The following CRB1 variants were observed in gnomAD, a reference collection of about 807,000 sequenced individuals.
CRB1 encodes crumbs cell polarity complex component 1.
Under a neutral mutation model 120.0 loss-of-function variants are expected in CRB1, and 83 were observed. That is an observed-to-expected ratio of 0.69 (90% confidence interval 0.58 to 0.83). The LOEUF is 0.83. CRB1 is among the 40% of genes least tolerant of loss of function. The pLI is 0.00. For missense variants in CRB1, 1,699 were observed against 1,687.6 expected, an observed-to-expected ratio of 1.01 and a Z score of -0.12; for synonymous variants, 625 against 612.5, an observed-to-expected ratio of 1.02 and a Z score of -0.30.
At chr1:197,434,604 T>C in intron 8 of CRB1, 102 bp from the exon 9 acceptor site, 2 of 1,038,220 alleles carry the variant, frequency 1.9e-6, no homozygotes, top group Non-Finnish European at 2.9e-6. Flanking sequence ...AAATAGTCAA[T>C]ATGCAATGTT....
chr1:197,314,726 G>T (rs1327389674), intron 1 of CRB1, among the ~76,000 whole-genome samples: 1 of 151,936 alleles, frequency 6.6e-6, no homozygotes, highest in African/African-American at 2.4e-5. Context: ...GTATAATGTG[G>T]TCTCTACTCC....
intron 8 of CRB1, among the ~76,000 whole-genome samples, chr1:197,432,908 A>G (rs1664941968): frequency 6.6e-6 from 1 of 152,114 alleles, no homozygotes; most frequent in Non-Finnish European, 1.5e-5. Context: ...CAGCAAGTAT[A>G]AAAGGCCTGC....
intron 11 of CRB1, among the ~76,000 whole-genome samples, chr1:197,450,820 C>T (rs572863049): frequency 3.8e-5 from 5 of 133,242 alleles, no homozygotes; most frequent in Non-Finnish European, 6.3e-5. Flanking sequence ...ATTAGCTGGG[C>T]GTGGTGGCCA....
intron 5 of CRB1, among the ~76,000 whole-genome samples, chr1:197,387,164 G>A (rs1168389701): frequency 6.6e-6 from 1 of 151,948 alleles, no homozygotes; most frequent in East Asian, 1.9e-4. Context: ...GGGCAGTGGT[G>A]TATTCTGGGC....
chr1:197,463,799 C>T (rs145766596), intron 11 of CRB1, among the ~76,000 whole-genome samples: 174 of 152,222 alleles, frequency 1.1e-3, no homozygotes, highest in African/African-American at 3.8e-3. Context: ...TTAGTTCTAA[C>T]GTATTTTACA....
intron 1 of CRB1, among the ~76,000 whole-genome samples, chr1:197,310,293 T>TA (rs940399660): frequency 6.6e-6 from 1 of 151,918 alleles, no homozygotes; most frequent in Admixed American, 6.6e-5. Flanking sequence ...TAGAAAAATA[T>TA]AAAAAAAACC....
chr1:197,248,808 C>G, the CRB1 span, among the ~76,000 whole-genome samples: 3 of 151,688 alleles, frequency 2.0e-5, no homozygotes, highest in African/African-American at 7.3e-5. Context: ...AACTCTGATA[C>G]AGAATTAAAA....
chr1:197,317,236 G>A (rs1657907159), intron 1 of CRB1, among the ~76,000 whole-genome samples: 1 of 152,088 alleles, frequency 6.6e-6, no homozygotes, highest in Non-Finnish European at 1.5e-5. Flanking sequence ...TGACCAACAT[G>A]GTGAAACCCC....
chr1:197,226,345 AAATT>A, the CRB1 span, among the ~76,000 whole-genome samples: 1 of 152,224 alleles, frequency 6.6e-6, no homozygotes. Flanking sequence ...CTGAAGTCCA[AAATT>A]AATTACTTAA....
intron 5 of CRB1, among the ~76,000 whole-genome samples, chr1:197,362,696 A>T (rs1660835955): frequency 6.6e-6 from 1 of 152,060 alleles, no homozygotes; most frequent in African/African-American, 2.4e-5. Flanking sequence ...TCCTGCCTTT[A>T]AAAAAATTAT....
intron 5 of CRB1, among the ~76,000 whole-genome samples, chr1:197,373,800 C>T (rs1257462199): frequency 6.6e-6 from 1 of 152,160 alleles, no homozygotes; most frequent in Non-Finnish European, 1.5e-5. Context: ...AATATGTTTA[C>T]TACTGGCCCA....
chr1:197,243,857 A>G, the CRB1 span, among the ~76,000 whole-genome samples: 1 of 152,056 alleles, frequency 6.6e-6, no homozygotes, highest in South Asian at 2.1e-4. Flanking sequence ...CTTGTTGCTC[A>G]TGTATTGGGT....
chr1:197,245,649 T>C, the CRB1 span, among the ~76,000 whole-genome samples: 1 of 152,156 alleles, frequency 6.6e-6, no homozygotes, highest in African/African-American at 2.4e-5. Flanking sequence ...TTTGCTGTTA[T>C]GAATAATTTT....
intron 8 of CRB1, among the ~76,000 whole-genome samples, chr1:197,433,433 C>T (rs954356396): frequency 2.0e-5 from 3 of 151,916 alleles, no homozygotes; most frequent in Non-Finnish European, 4.4e-5. Flanking sequence ...GATAATTGGC[C>T]ACTGCATTGA....
At chr1:197,444,002 G>A (rs1050755913) in intron 11 of CRB1, 12 of 152,164 alleles carry the variant, frequency 7.9e-5, no homozygotes, top group Middle Eastern at 3.4e-3. Flanking sequence ...GTAAATATAC[G>A]TCTATGACTT....
intron 8 of CRB1, among the ~76,000 whole-genome samples, chr1:197,432,772 G>A (rs1017960275): frequency 2.0e-5 from 3 of 152,236 alleles, no homozygotes; most frequent in Middle Eastern, 3.4e-3. Context: ...AATGCAGGGA[G>A]GCGGTTTTTT....
intron 11 of CRB1, among the ~76,000 whole-genome samples, chr1:197,467,255 A>C (rs747275601): frequency 6.6e-6 from 1 of 152,224 alleles, no homozygotes; most frequent in Non-Finnish European, 1.5e-5. Context: ...TAATGCGTGT[A>C]ACTCTTTAAC....
chr1:197,405,227 C>T (rs563083529), intron 5 of CRB1, among the ~76,000 whole-genome samples: 2 of 152,154 alleles, frequency 1.3e-5, no homozygotes, highest in Non-Finnish European at 2.9e-5. Flanking sequence ...AGGCGCGCGC[C>T]GCCACGCCTG....
At chr1:197,429,421 T>A in intron 7 of CRB1, 28 bp from the exon 8 acceptor site, 1 of 1,613,772 alleles carries the variant, frequency 6.2e-7, no homozygotes, top group Non-Finnish European at 8.5e-7. Flanking sequence ...CCAGTGCTTT[T>A]TATACCTTTG....
Sources: gnomAD v4.1 joint callset for allele counts (sites outside exome capture counted in the v4.1 genomes callset) on GRCh38, gnomAD v4.1.1 for gene constraint, MANE v1.5 for transcripts, NCBI Gene and HGNC (gene_info 2026-07-23, HGNC 2026-07-21) for gene names.